Variants in SHCBP1L observed in about 807,000 individuals in gnomAD.
The protein encoded by SHCBP1L is testicular spindle-associated protein SHCBP1L.
SHCBP1L carries 67 observed loss-of-function variants against 62.5 expected under a neutral mutation model. The ratio of observed to expected loss-of-function variants is 1.07; its 90% CI spans 0.88 to 1.31. The LOEUF is 1.31. Ranked by LOEUF, SHCBP1L falls within the 40% of genes most tolerant of loss-of-function variation. SHCBP1L has a pLI of 0.00. For synonymous variants in SHCBP1L, 284 were observed against 289.4 expected, an observed-to-expected ratio of 0.98 and a Z score of 0.19; for missense variants, 823 against 809.8, an observed-to-expected ratio of 1.02 and a Z score of -0.20.
In SHCBP1L at chr1:182,952,819, G is replaced by T. The variant is rs765675128; in HGVS notation, c.315C>A (p.Pro105=). ...PVPEDEEEAQ[P]LPPVCVSRMR... ...TACGGGACACGCAGACTGGGGGCAG[G>T]GGCTGCGCCTCCTCTTCATCCTCAG... Residue 105 remains proline (P), a synonymous_variant, in exon 1 of 10, where the codon CCC becomes CCA. Transcript: ENST00000367547. 1.2e-6 allele frequency: 2 copies of T among 1,612,492 alleles called. No homozygotes were observed. The highest frequency in any genetic ancestry group is 8.5e-7 in the Non-Finnish European group (1 of 1,179,512).
chr1:182,915,161 C>CAAAAAAAAAAAAAAAA (rs371432299), intron 6 of SHCBP1L, among the ~76,000 whole-genome samples: 2 of 31,890 alleles, frequency 6.3e-5, no homozygotes, highest in African/African-American at 7.9e-5. Flanking sequence ...GACTCTGTCT[C>CAAAAAAAAAAAAAAAA]AAAAAAAAAA....
At chr1:182,936,390 C>T (rs10158828) in intron 5 of SHCBP1L, among the ~76,000 whole-genome samples, 6,214 of 152,046 alleles carry the variant, frequency 0.041, 384 homozygotes, top group African/African-American at 0.14. Flanking sequence ...CCACCTTGGC[C>T]TCCCAAAATG....
chr1:182,952,015 G>C (rs905303943), intron 1 of SHCBP1L: 3 of 239,442 alleles, frequency 1.3e-5, no homozygotes, highest in African/African-American at 4.7e-5. Context: ...AAATTAGCCA[G>C]GCGTGGTGGC....
chr1:182,900,850 T>G (rs978665404), intron 9 of SHCBP1L, among the ~76,000 whole-genome samples: 8 of 151,760 alleles, frequency 5.3e-5, no homozygotes, highest in Non-Finnish European at 1.2e-4. Flanking sequence ...CTGGGCAATA[T>G]AGCAAGACCC....
chr1:182,907,492 T>A (rs73044357), intron 6 of SHCBP1L, among the ~76,000 whole-genome samples: 6,086 of 150,714 alleles, frequency 0.04, 379 homozygotes, highest in African/African-American at 0.14. Flanking sequence ...TGGAAATATA[T>A]TCTGAAAAAA....
chr1:182,913,860 G>C (rs1349205587), intron 6 of SHCBP1L, among the ~76,000 whole-genome samples: 4 of 152,098 alleles, frequency 2.6e-5, no homozygotes. Flanking sequence ...ACATGCCTGT[G>C]ATACCAGCTA....
intron 6 of SHCBP1L, among the ~76,000 whole-genome samples, chr1:182,928,596 G>C (rs1268579345): frequency 1.3e-5 from 2 of 152,018 alleles, no homozygotes; most frequent in Admixed American, 1.3e-4. Flanking sequence ...CAGGATGTAG[G>C]GTGAGTGAAG....
intron 5 of SHCBP1L, among the ~76,000 whole-genome samples, chr1:182,937,625 T>C (rs1651222338): frequency 6.6e-6 from 1 of 152,222 alleles, no homozygotes; most frequent in Admixed American, 6.5e-5. Context: ...TTGCTCTTCC[T>C]TCTTCTTCTG....
At chr1:182,910,993 G>T (rs529746209) in intron 6 of SHCBP1L, among the ~76,000 whole-genome samples, 1 of 151,962 alleles carries the variant, frequency 6.6e-6, no homozygotes, top group African/African-American at 2.4e-5. Flanking sequence ...GGGTTCAAGC[G>T]ATTCTCCTGC....
chr1:182,946,668 T>C (rs12025917), intron 2 of SHCBP1L, among the ~76,000 whole-genome samples: 11,028 of 152,226 alleles, frequency 0.072, 504 homozygotes, highest in East Asian at 0.17. Flanking sequence ...TGCCATTCTT[T>C]GAATATTTTT....
chr1:182,952,559 C>A, intron 1 of SHCBP1L, 170 bp downstream of exon 1: 1 of 771,138 alleles, frequency 1.3e-6, no homozygotes, highest in South Asian at 2.3e-5. Flanking sequence ...GACGCGGGCA[C>A]CTCTAACAAG....
intron 2 of SHCBP1L, chr1:182,942,007 T>C: frequency 1.0e-6 from 1 of 984,078 alleles, no homozygotes; most frequent in Non-Finnish European, 1.6e-6. Context: ...CTAGAGCTAC[T>C]AAAAAACTTG....
At chr1:182,920,235 G>A (rs1443594186) in intron 6 of SHCBP1L, among the ~76,000 whole-genome samples, 1 of 152,130 alleles carries the variant, frequency 6.6e-6, no homozygotes, top group African/African-American at 2.4e-5. Context: ...GATTAACCTT[G>A]AGAGGCCAGA....
At chr1:182,944,121 A>AAATAAATAAAT (rs1651470848) in intron 2 of SHCBP1L, among the ~76,000 whole-genome samples, 7 of 134,084 alleles carry the variant, frequency 5.2e-5, no homozygotes, top group Non-Finnish European at 7.8e-5. Flanking sequence ...ACTACTTCTC[A>AAATAAATAAAT]AAATAAATAA....
chr1:182,951,241 T>G lies in SHCBP1L; in HGVS notation c.555+77A>C, dbSNP rs564757765. On this transcript the variant is annotated intron_variant, in intron 2 of 9. Transcript: ENST00000367547. ...ATGTGTCAACTCTTGTGTATCAATC[T>G]CCAAATAATAAAGTCATATTTTAGT... 3.5e-5 allele frequency: 41 copies of G among 1,175,448 alleles called. No homozygotes were observed. The East Asian group carries it at 1.0e-3, about 30-fold the overall frequency. The allele number at this position is 1,175,448 out of a possible 1,614,324, so 72.8% of individuals were successfully genotyped here.
At chr1:182,939,040 C>T in intron 5 of SHCBP1L, 136 bp downstream of exon 5, 2 of 655,984 alleles carry the variant, frequency 3.0e-6, no homozygotes, top group Non-Finnish European at 2.5e-6. Context: ...ATAGTTGTAC[C>T]TTGTGCTTAC....
chr1:182,939,574 A>T (rs370580263), intron 3 of SHCBP1L, 21 bp from the exon 4 acceptor site: 2 of 1,553,764 alleles, frequency 1.3e-6, no homozygotes, highest in African/African-American at 2.8e-5. Context: ...CCAAATTAAG[A>T]TGACAGTAAT....
At position 182,930,651 on chromosome 1, in the gene SHCBP1L, ATATGTG is replaced by A. The variant is rs1270641761; in HGVS notation, c.1077-905_1077-900del. On this transcript the variant is annotated intron_variant, in intron 5 of 9. Transcript: ENST00000367547. ...TAAAGACAGGGTCTTGCCCTGGAGT[ATATGTG>A]TGTGTGTGTGTGTGTGTGTGTGTGT... is the stretch of plus-strand genomic sequence containing the variant. Among the ~76,000 whole-genome samples the A allele has an allele frequency of 7.8e-3, 389 of 49,992 alleles. 5 individuals carry two copies. The highest frequency in any genetic ancestry group is 0.013 in the Non-Finnish European group (345 of 27,162). The allele number at this position is 49,992 out of a possible 152,430, so 32.8% of individuals were successfully genotyped here. A position where few individuals can be genotyped will look rare whatever the true frequency, so the allele number is the denominator to read the frequency against.
At chr1:182,906,339 C>T (rs1651144933) in intron 6 of SHCBP1L, among the ~76,000 whole-genome samples, 3 of 152,014 alleles carry the variant, frequency 2.0e-5, no homozygotes, top group South Asian at 4.2e-4. Context: ...AGATGCAGTT[C>T]AATATGACAC....
Sources: gnomAD v4.1 joint callset for allele counts (sites outside exome capture counted in the v4.1 genomes callset) on GRCh38, gnomAD v4.1.1 for gene constraint, MANE v1.5 for transcripts, NCBI Gene and HGNC (gene_info 2026-07-23, HGNC 2026-07-21) for gene names.